Variants in FSTL4 observed in about 807,000 individuals in gnomAD.
The protein encoded by FSTL4 is follistatin-related protein 4.
Under a neutral mutation model 78.2 loss-of-function variants are expected in FSTL4, and 28 were observed. That is an observed-to-expected ratio of 0.36 (90% confidence interval 0.27 to 0.49). FSTL4 has a LOEUF of 0.49. Among genes scored for constraint, FSTL4 ranks in the 20% least tolerant of loss-of-function variants. The pLI is 0.98. For missense variants in FSTL4, 922 were observed against 1,084.9 expected (o/e 0.85, Z 2.11); for synonymous variants, 422 against 440.5 (o/e 0.96, Z 0.53).
chr5:133,620,903 C>G, the FSTL4 span, among the ~76,000 whole-genome samples: 1 of 152,126 alleles, frequency 6.6e-6, no homozygotes, highest in Non-Finnish European at 1.5e-5. Flanking sequence ...GTAGAACTAC[C>G]ATTTGATCCA....
At chr5:133,815,002 C>T in the FSTL4 span, among the ~76,000 whole-genome samples, 1 of 152,216 alleles carries the variant, frequency 6.6e-6, no homozygotes, top group African/African-American at 2.4e-5. Flanking sequence ...AGCCCAGGGC[C>T]TCACCACAGA....
chr5:133,645,655 G>A, the FSTL4 span, among the ~76,000 whole-genome samples: 245 of 152,228 alleles, frequency 1.6e-3, 3 homozygotes, highest in African/African-American at 5.6e-3. Flanking sequence ...TGGAGAGGAA[G>A]AGTTTGTCCT....
chr5:133,575,256 ATACTC>A (rs1211682380), intron 2 of FSTL4: 1 of 152,224 alleles, frequency 6.6e-6, no homozygotes, highest in Admixed American at 6.5e-5. Context: ...TCCTACCACT[ATACTC>A]TACTTCCTCC....
chr5:133,704,844 A>C, the FSTL4 span, among the ~76,000 whole-genome samples: 5 of 152,168 alleles, frequency 3.3e-5, no homozygotes, highest in African/African-American at 7.2e-5. Context: ...ACCAGATCCT[A>C]ATGGCACACC....
At chr5:133,221,052 C>A in intron 11 of FSTL4, 186 bp from the exon 12 acceptor site, 2 of 681,116 alleles carry the variant, frequency 2.9e-6, no homozygotes, top group Non-Finnish European at 5.4e-6. Context: ...GCAGAGAGGG[C>A]CCCCCAGGAC....
At chr5:133,800,211 G>A in the FSTL4 span, among the ~76,000 whole-genome samples, 7 of 138,220 alleles carry the variant, frequency 5.1e-5, no homozygotes, top group Non-Finnish European at 9.7e-5. Flanking sequence ...CCAAATATTG[G>A]GGGGCAGTCA....
At chr5:133,660,291 T>A in the FSTL4 span, among the ~76,000 whole-genome samples, 1 of 152,090 alleles carries the variant, frequency 6.6e-6, no homozygotes, top group Non-Finnish European at 1.5e-5. Context: ...TAAAAAGCAA[T>A]TACAACAGAG....
At chr5:133,467,127 G>GGTGTGTGTGTGTATATGT (rs780063995) in intron 3 of FSTL4, among the ~76,000 whole-genome samples, 1 of 150,388 alleles carries the variant, frequency 6.6e-6, no homozygotes, top group Non-Finnish European at 1.5e-5. Flanking sequence ...TATGTATGTG[G>GGTGTGTGTGTGTATATGT]GTGTGTGTGT....
chr5:133,537,494 A>T (rs1185101734), intron 3 of FSTL4, among the ~76,000 whole-genome samples: 1 of 152,152 alleles, frequency 6.6e-6, no homozygotes, highest in African/African-American at 2.4e-5. Context: ...TAATGTATTC[A>T]CAGAGCATTT....
chr5:133,375,289 GGC>G (rs1561691402), intron 4 of FSTL4, among the ~76,000 whole-genome samples: 32 of 23,346 alleles, frequency 1.4e-3, no homozygotes, highest in Non-Finnish European at 1.8e-3. Flanking sequence ...GGGTGTGCAT[GGC>G]ATATATATAT....
intron 4 of FSTL4, among the ~76,000 whole-genome samples, chr5:133,372,682 A>T (rs1755340084): frequency 6.6e-6 from 1 of 152,234 alleles, no homozygotes; most frequent in South Asian, 2.1e-4. Flanking sequence ...GAATGGATCC[A>T]GACACATTCT....
intron 3 of FSTL4, among the ~76,000 whole-genome samples, chr5:133,436,017 C>T (rs1478150155): frequency 6.6e-6 from 1 of 152,120 alleles, no homozygotes; most frequent in Non-Finnish European, 1.5e-5. Flanking sequence ...TAATACTTCC[C>T]ACATGCCAAG....
chr5:133,199,657 A>T lies in FSTL4; in HGVS notation c.1967T>A (p.Phe656Tyr). The T allele has an allele frequency of 6.2e-7, 1 of 1,614,148 alleles. No individual in the cohort carries two copies. The stretch of plus-strand genomic sequence containing the variant: ...GCTGTCCTGTCGGCACTGGATGAAG[A>T]AGTAGCCGCCCAGGTGGGTGTGTGC... ...AMAHTHLGGY[F>Y]FIQCRQDSPA... The change falls in exon 16 of 16, where the codon TTC becomes TAC. Residue 656 changes from phenylalanine to tyrosine, a missense_variant. Transcript: ENST00000265342. The surrounding 1 kb of genome is among the most constrained non-coding windows in gnomAD (Gnocchi z 4.4).
At chr5:133,211,523 G>T (rs374887352) in intron 13 of FSTL4, among the ~76,000 whole-genome samples, 2 of 152,020 alleles carry the variant, frequency 1.3e-5, no homozygotes, top group Non-Finnish European at 2.9e-5. Flanking sequence ...TAGTCTCTCC[G>T]ATGAGGGGGA....
At chr5:133,648,632 G>A in the FSTL4 span, among the ~76,000 whole-genome samples, 3 of 152,142 alleles carry the variant, frequency 2.0e-5, no homozygotes, top group Non-Finnish European at 2.9e-5. Flanking sequence ...ACAGTTCCCC[G>A]GGCTTCAAAG....
chr5:133,255,428 A>G (rs986984097), intron 6 of FSTL4, among the ~76,000 whole-genome samples: 2 of 152,208 alleles, frequency 1.3e-5, no homozygotes, highest in East Asian at 3.8e-4. Flanking sequence ...GCTTCCCATG[A>G]TATCCCCCTG....
At chr5:133,375,492 C>T (rs560072944) in intron 4 of FSTL4, among the ~76,000 whole-genome samples, 1 of 151,486 alleles carries the variant, frequency 6.6e-6, no homozygotes, top group African/African-American at 2.4e-5. Flanking sequence ...TTTTAAAGAC[C>T]CCTAATCAAT....
intron 3 of FSTL4, among the ~76,000 whole-genome samples, chr5:133,466,428 G>A (rs988915804): frequency 6.6e-6 from 1 of 152,110 alleles, no homozygotes; most frequent in Non-Finnish European, 1.5e-5. Context: ...TGTAGTCCCA[G>A]CTACTCGGGA....
At chr5:133,379,586 T>C (rs2126951568) in intron 4 of FSTL4, among the ~76,000 whole-genome samples, 1 of 152,190 alleles carries the variant, frequency 6.6e-6, no homozygotes, top group East Asian at 1.9e-4. Flanking sequence ...AAAACCAGTA[T>C]CCAAATGAAA....
Sources: gnomAD v4.1 joint callset for allele counts (sites outside exome capture counted in the v4.1 genomes callset) on GRCh38, gnomAD v4.1.1 for gene constraint, Gnocchi (gnomAD v3.1) non-coding constraint, MANE v1.5 for transcripts, NCBI Gene and HGNC (gene_info 2026-07-23, HGNC 2026-07-21) for gene names.